Variants in NHSL1 observed in about 807,000 individuals in gnomAD.
NHSL1 encodes the protein NHS-like protein 1.
A neutral mutation model predicts 95.0 loss-of-function variants in NHSL1; 48 were observed. That is an observed-to-expected ratio of 0.51 (90% CI 0.40 to 0.64). The LOEUF is 0.64. Ranked by LOEUF, NHSL1 falls within the 30% of genes least tolerant of loss-of-function variation. The probability of loss-of-function intolerance (pLI) is 0.00; values close to 1 mark genes in which losing one functional copy is unlikely to be tolerated. For missense variants in NHSL1, 1,971 were observed against 2,077.7 expected (o/e 0.95, Z 1.00); for synonymous variants, 783 against 833.9 (o/e 0.94, Z 1.05).
At chr6:138,429,676 A>G in intron 7 of NHSL1, 35 bp downstream of exon 7, 1 of 1,524,412 alleles carries the variant, frequency 6.6e-7, no homozygotes, top group Non-Finnish European at 8.8e-7. Context: ...GGAATTACAC[A>G]GTAGATTAAA....
rs58789555 is a variant in NHSL1, at chr6:138,569,245, A to ATGTGTG, written c.202+2459_202+2464dup. ...GTCACTGCATGATGGTTGTGTGTATATGTGTGTGTGTGTGTGTGTGTGTGT... is the reference window on the plus strand; with the variant it reads ...GTCACTGCATGATGGTTGTGTGTATATGTGTGTGTGTGTGTGTGTGTGTGTGTGTGT... On this transcript the variant is annotated intron_variant, in intron 1 of 6. Transcript: ENST00000427025. Among the ~76,000 whole-genome samples the ATGTGTG allele has an allele frequency of 5.8e-3, 856 of 147,506 alleles. 7 individuals carry two copies. Among genetic ancestry groups the ATGTGTG allele is most frequent in the African/African-American group, 0.014 (568 of 40,328 alleles).
intron 1 of NHSL1, among the ~76,000 whole-genome samples, chr6:138,648,434 C>T (rs1785047768): frequency 6.6e-6 from 1 of 151,834 alleles, no homozygotes; most frequent in African/African-American, 2.4e-5. Flanking sequence ...CTTCTGCTCA[C>T]CTCCCCAGCC....
intron 1 of NHSL1, among the ~76,000 whole-genome samples, chr6:138,667,177 T>C (rs1284748050): frequency 2.6e-5 from 4 of 152,224 alleles, no homozygotes; most frequent in Non-Finnish European, 5.9e-5. Flanking sequence ...TTCTAAAATA[T>C]GGCAATTCCT....
At chr6:138,624,269 TGGTGCCTGAGCCTCCG>T (rs1784706080) in intron 1 of NHSL1, among the ~76,000 whole-genome samples, 1 of 152,090 alleles carries the variant, frequency 6.6e-6, no homozygotes, top group African/African-American at 2.4e-5. Context: ...AGGTCTAGGG[TGGTGCCTGAGCCTCCG>T]CATTTCTAAC....
At position 138,605,609 on chromosome 6, in the gene NHSL1, G is replaced by A. The variant is rs74513832; in HGVS notation, c.96+86867C>T. ...CACTCATATTGTGTCTACCCACCAC[G>A]ACTTTGATTTGAAAGCTATTTCTAA... On this transcript the variant is annotated intron_variant, in intron 1 of 3. Transcript: ENST00000491526. Among the ~76,000 whole-genome samples the A allele has an allele frequency of 8.5e-5, 13 of 152,274 alleles. No homozygotes were observed. The East Asian group carries it at 2.1e-3, about 25-fold the overall frequency.
At chr6:138,646,005 T>C (rs1348041364) in intron 1 of NHSL1, among the ~76,000 whole-genome samples, 1 of 152,238 alleles carries the variant, frequency 6.6e-6, no homozygotes, top group Non-Finnish European at 1.5e-5. Flanking sequence ...TTCTTTATAC[T>C]CTTTCAGGTG....
exon 1 of NHSL1, chr6:138,545,629 G>A (rs1477876688): frequency 7.8e-7 from 1 of 1,289,218 alleles, no homozygotes; most frequent in Admixed American, 2.3e-5. Context: ...TCACCTTTCA[G>A]ACAGAACATT....
chr6:138,540,905 G>A (rs1782554045), intron 1 of NHSL1, among the ~76,000 whole-genome samples: 1 of 152,188 alleles, frequency 6.6e-6, no homozygotes, highest in Non-Finnish European at 1.5e-5. Context: ...GGCTGAGGAA[G>A]GGAAAGAACC....
chr6:138,619,369 C>A lies in NHSL1; in HGVS notation c.96+73107G>T, dbSNP rs141428083. 3.6e-3 allele frequency among the ~76,000 whole-genome samples: 550 copies of A among 152,216 alleles called. 2 individuals carry two copies. The highest frequency in any genetic ancestry group is 0.013 in the African/African-American group (529 of 41,542). ...AATAAAGTATAAGTAACAACTGGTC[C>A]ATCAAGATTTCCCAAGACCAAGACC... On this transcript the variant is annotated intron_variant, in intron 1 of 3. Transcript: ENST00000491526.
At chr6:138,652,313 T>C (rs1469998316) in intron 1 of NHSL1, among the ~76,000 whole-genome samples, 2 of 151,884 alleles carry the variant, frequency 1.3e-5, no homozygotes, top group Non-Finnish European at 2.9e-5. Context: ...TGGCGGCTCA[T>C]GCCTGTAATC....
chr6:138,650,559 A>C, intron 1 of NHSL1: 1 of 594,370 alleles, frequency 1.7e-6, no homozygotes, highest in Middle Eastern at 2.9e-4. Context: ...ATCACCCAGG[A>C]GGTGAGGGAT....
chr6:138,465,445 C>T (rs759249897), intron 3 of NHSL1, among the ~76,000 whole-genome samples: 14 of 152,268 alleles, frequency 9.2e-5, no homozygotes, highest in South Asian at 2.1e-4. Flanking sequence ...TCCTCAGTGC[C>T]GTTTTGCCTG....
intron 1 of NHSL1, among the ~76,000 whole-genome samples, chr6:138,606,194 G>A (rs533702716): frequency 3.0e-4 from 45 of 152,304 alleles, no homozygotes; most frequent in Non-Finnish European, 6.0e-4. Flanking sequence ...CCTCTGGCCT[G>A]AAGAGGCTGC....
At chr6:138,459,054 T>C (rs1777823395) in intron 3 of NHSL1, among the ~76,000 whole-genome samples, 1 of 152,144 alleles carries the variant, frequency 6.6e-6, no homozygotes. Context: ...TGGAGTGCAG[T>C]GGCACACTCT....
At chr6:138,495,645 CAG>C (rs1780305342) in intron 2 of NHSL1, among the ~76,000 whole-genome samples, 1 of 152,218 alleles carries the variant, frequency 6.6e-6, no homozygotes, top group South Asian at 2.1e-4. Context: ...CTCCTGGAAA[CAG>C]ATTTGCATAT....
At chr6:138,660,652 G>GAA (rs372767150) in intron 1 of NHSL1, among the ~76,000 whole-genome samples, 5 of 146,382 alleles carry the variant, frequency 3.4e-5, no homozygotes, top group Non-Finnish European at 4.5e-5. Context: ...AAAAAAAAAA[G>GAA]AAAAAAAAAA....
chr6:138,518,278 A>G (rs1265438183), intron 1 of NHSL1, among the ~76,000 whole-genome samples: 1 of 152,146 alleles, frequency 6.6e-6, no homozygotes, highest in Admixed American at 6.5e-5. Context: ...GCCCACAAGA[A>G]TTCACCCAGT....
upstream of NHSL1, among the ~76,000 whole-genome samples, chr6:138,501,898 G>A (rs754616632): frequency 2.0e-4 from 31 of 152,270 alleles, no homozygotes; most frequent in Non-Finnish European, 3.2e-4. Context: ...TAAATGCTAC[G>A]TAAGTAGTTG....
intron 2 of NHSL1, among the ~76,000 whole-genome samples, chr6:138,475,149 CAA>C (rs71009587): frequency 1.2e-3 from 117 of 100,638 alleles, no homozygotes; most frequent in African/African-American, 3.9e-3. Context: ...AACTCGGTCT[CAA>C]AAAAAAAAAA....
Sources: allele counts gnomAD v4.1 joint callset (sites outside exome capture counted in the v4.1 genomes callset), GRCh38; gene constraint gnomAD v4.1.1; transcripts MANE v1.5; gene names NCBI Gene and HGNC (gene_info 2026-07-23, HGNC 2026-07-21).